The following POLQ variants were observed in gnomAD, a reference collection of about 807,000 sequenced individuals.
The protein encoded by POLQ is epididymis secretory sperm binding protein.
Under a neutral mutation model 259.2 loss-of-function variants are expected in POLQ, and 233 were observed. The observed-to-expected ratio is 0.90, with a 90% CI of 0.81 to 1.00. The LOEUF (loss-of-function observed/expected upper bound fraction) is 1.00, where lower values mean the gene tolerates loss of function less well. Ranked by LOEUF, POLQ falls within the 50% of genes least tolerant of loss-of-function variation. The pLI is 0.00. For synonymous variants in POLQ, 1,025 were observed against 1,048.8 expected (o/e 0.98, Z 0.44); for missense variants, 2,871 against 3,051.6 (o/e 0.94, Z 1.39).
At chr3:121,464,703 T>C (rs1254403501) in intron 24 of POLQ, among the ~76,000 whole-genome samples, 1 of 152,188 alleles carries the variant, frequency 6.6e-6, no homozygotes, top group African/African-American at 2.4e-5. Context: ...AGTTATAACT[T>C]TGTTTCATGA....
chr3:121,476,822 G>C, intron 19 of POLQ, 89 bp from the exon 20 acceptor site: 1 of 845,548 alleles, frequency 1.2e-6, no homozygotes, highest in Non-Finnish European at 1.8e-6. Flanking sequence ...ATTCATCTAG[G>C]AAAATCCAGA....
chr3:121,468,270 G>A, intron 23 of POLQ, 35 bp downstream of exon 23: 1 of 1,552,442 alleles, frequency 6.4e-7, no homozygotes, highest in Non-Finnish European at 8.7e-7. Flanking sequence ...ACTTACAAAA[G>A]TTTATTAATA....
Position 121,486,080 on chromosome 3 carries a change from G to A in POLQ, c.5630-896C>T, listed in dbSNP as rs563424602. 2.6e-4 allele frequency among the ~76,000 whole-genome samples: 39 copies of A among 152,256 alleles called. 1 individual carries two copies. The highest frequency in any genetic ancestry group is 7.4e-5 in the Non-Finnish European group (5 of 68,014). ...CTCTCTCAAAACCTGGAAGAGCTCT[G>A]CAAGGTTTTGGAAGCAACATTTCAG... is the stretch of plus-strand genomic sequence containing the variant. On this transcript the variant is annotated intron_variant, in intron 16 of 29. Coordinates refer to ENST00000264233, the MANE Select transcript of POLQ (RefSeq NM_199420.4).
intron 27 of POLQ, among the ~76,000 whole-genome samples, chr3:121,438,552 C>T (rs1335099544): frequency 6.6e-6 from 1 of 152,194 alleles, no homozygotes; most frequent in Non-Finnish European, 1.5e-5. Context: ...TGTGACAACT[C>T]AAACTCTCCA....
intron 27 of POLQ, among the ~76,000 whole-genome samples, chr3:121,437,653 G>A (rs1201419411): frequency 6.6e-6 from 1 of 152,142 alleles, no homozygotes; most frequent in Non-Finnish European, 1.5e-5. Context: ...TACTGAAGTT[G>A]AAAATATGCA....
chr3:121,483,504 C>G lies in POLQ; in HGVS notation c.5852G>C (p.Cys1951Ser), dbSNP rs993994431. ...TTCTTTATCAGATTCCTTTCGCAAGCAAGATTGAAGGTACCACATCCTGTC... is the reference window on the plus strand; with the variant it reads ...TTCTTTATCAGATTCCTTTCGCAAGGAAGATTGAAGGTACCACATCCTGTC... ...LKDRMWYLQS[C>S]LRKESDKECS... The change falls in exon 18 of 30, where the codon TGC becomes TCC. Residue 1951 changes from cysteine (C) to serine (S), a missense_variant. This residue lies in a region of POLQ where 2,080 missense variants were observed against 2,126.0 expected (regional missense o/e 0.98). Coordinates refer to ENST00000264233, the MANE Select transcript of POLQ (RefSeq NM_199420.4). 1 of 1,605,690 alleles carries G rather than the reference C, an allele frequency of 6.2e-7. No individual in the cohort carries two copies. Among genetic ancestry groups the G allele is most frequent in the African/African-American group, 1.4e-5 (1 of 73,512 alleles).
chr3:121,522,771 C>T (rs904338523), intron 7 of POLQ, among the ~76,000 whole-genome samples: 13 of 152,084 alleles, frequency 8.5e-5, no homozygotes, highest in African/African-American at 2.7e-4. Flanking sequence ...ACGAAGCCCA[C>T]AGGAGGGGAT....
At chr3:121,441,959 AAT>A (rs2047595799) in intron 26 of POLQ, among the ~76,000 whole-genome samples, 1 of 152,180 alleles carries the variant, frequency 6.6e-6, no homozygotes, top group African/African-American at 2.4e-5. Flanking sequence ...AAATAATGAC[AAT>A]GTTTAATATG....
intron 23 of POLQ, 33 bp from the exon 24 acceptor site, chr3:121,467,673 G>A (rs1576407480): frequency 6.2e-7 from 1 of 1,605,682 alleles, no homozygotes; most frequent in South Asian, 1.1e-5. Context: ...AGTTAGACAT[G>A]AAGCAGTCTC....
intron 7 of POLQ, among the ~76,000 whole-genome samples, chr3:121,524,969 C>CAG (rs1190365396): frequency 1.6e-4 from 23 of 141,080 alleles, no homozygotes; most frequent in Non-Finnish European, 1.1e-4. Flanking sequence ...CACACACACA[C>CAG]AGAGTTGACT....
intron 25 of POLQ, among the ~76,000 whole-genome samples, chr3:121,455,526 CACA>C (rs1184448902): frequency 1.2e-5 from 1 of 83,862 alleles, no homozygotes; most frequent in African/African-American, 4.3e-5. Context: ...ATCAAATAGA[CACA>C]AAAAAAAAAG....
rs2047855271 is a variant in POLQ at position 121,468,342 on chromosome 3, A to G, written c.6808T>C (p.Ser2270Pro). 1 of 1,612,870 alleles carries G rather than the reference A, an allele frequency of 6.2e-7. No homozygotes were observed. Among genetic ancestry groups the G allele is most frequent in the Admixed American group, 1.7e-5 (1 of 59,982 alleles). ...AGTAGGCCTTTGCCTACAGCTTGAG[A>G]AGGTGGGCTTTCTCCTACTAGTGTT... ...MPTLVGESPP[S>P]QAVGKGLLPM... Residue 2270 changes from serine to proline, a missense_variant, in exon 23 of 30, where the codon TCT becomes CCT. Ser to Pro is a moderately conservative substitution (Grantham distance 74). This residue lies in a region of POLQ where 2,080 missense variants were observed against 2,126.0 expected (regional missense o/e 0.98). Coordinates refer to ENST00000264233, the MANE Select transcript of POLQ (RefSeq NM_199420.4).
At chr3:121,467,727 C>T (rs1560091495) in intron 23 of POLQ, 87 bp from the exon 24 acceptor site, 8 of 1,357,534 alleles carry the variant, frequency 5.9e-6, no homozygotes, top group Admixed American at 1.9e-5. Context: ...TCAGTATTTC[C>T]GTCTAAGAAA....
intron 12 of POLQ, among the ~76,000 whole-genome samples, chr3:121,501,773 G>C (rs1217332167): frequency 6.6e-6 from 1 of 151,282 alleles, no homozygotes; most frequent in Non-Finnish European, 1.5e-5. Context: ...ATCACTTGAG[G>C]TCAGGAGTTC....
chr3:121,495,616 G>A (rs573395405), intron 14 of POLQ, among the ~76,000 whole-genome samples: 13 of 151,782 alleles, frequency 8.6e-5, no homozygotes, highest in South Asian at 4.2e-4. Flanking sequence ...AGGCCGAGGC[G>A]GGTGGTCCAC....
At chr3:121,519,087 C>T (rs901686756) in intron 9 of POLQ, among the ~76,000 whole-genome samples, 5 of 151,806 alleles carry the variant, frequency 3.3e-5, no homozygotes, top group Admixed American at 2.6e-4. Context: ...GCACCAATTT[C>T]GAGAAAAAAG....
In POLQ at chr3:121,485,201, T is replaced by C. The variant is rs1438038324; in HGVS notation, c.5630-17A>G. Reference sequence around the variant, plus strand: ...GTGAGCTAGCTAAGTAAAACAAAAGTGAAACAGTTAAAAATCTCTAAAAAT... The same window carrying C: ...GTGAGCTAGCTAAGTAAAACAAAAGCGAAACAGTTAAAAATCTCTAAAAAT... On this transcript the variant is annotated splice_polypyrimidine_tract_variant and intron_variant, in intron 16 of 29. Coordinates refer to ENST00000264233, the MANE Select transcript of POLQ (RefSeq NM_199420.4). 2 of 1,509,764 alleles carry C rather than the reference T, an allele frequency of 1.3e-6. No individual in the cohort carries two copies. The highest frequency in any genetic ancestry group is 2.8e-5 in the African/African-American group (2 of 71,486). 93.5% of individuals were successfully genotyped at this position (1,509,764 alleles called of 1,614,324 possible). A position where few individuals can be genotyped will look rare whatever the true frequency, so the allele number is the denominator to read the frequency against.
rs1420345351 is a variant in POLQ at position 121,522,042 on chromosome 3, G to A, written c.1216C>T (p.Gln406Ter). The A allele has an allele frequency of 6.2e-7, 1 of 1,602,718 alleles. No individual in the cohort carries two copies. The highest frequency in any genetic ancestry group is 8.5e-7 in the Non-Finnish European group (1 of 1,174,894). The change falls in exon 8 of 30, where the codon CAG (glutamine) becomes TAG (stop). Residue 406 changes from glutamine (Q) to a stop codon, truncating the protein, a stop_gained. Coordinates refer to ENST00000264233, the MANE Select transcript of POLQ (RefSeq NM_199420.4). LOFTEE classifies it high-confidence loss of function. ...RLPSGLDSVL[Q>*]KTVPWGVAFH... is the part of the protein sequence containing the mutation. ...GCTACTCCCCATGGTACAGTTTTCTGTAATACAGAGTCCAGTCCTGAAGGC... is the reference window on the plus strand; with the variant it reads ...GCTACTCCCCATGGTACAGTTTTCTATAATACAGAGTCCAGTCCTGAAGGC...
chr3:121,496,181 CTT>C (rs71133540), intron 14 of POLQ, among the ~76,000 whole-genome samples: 1 of 142,492 alleles, frequency 7.0e-6, no homozygotes, highest in African/African-American at 2.6e-5. Flanking sequence ...TAATCAGTAC[CTT>C]TTTTTTTTTT....
Sources: gnomAD v4.1 joint callset for allele counts (sites outside exome capture counted in the v4.1 genomes callset) on GRCh38, gnomAD v4.1.1 for gene constraint, gnomAD v4.1.1 regional missense constraint, MANE v1.5 for transcripts, NCBI Gene and HGNC (gene_info 2026-07-23, HGNC 2026-07-21) for gene names.